Variants in ATP13A3 observed in about 807,000 individuals in gnomAD.
The protein encoded by ATP13A3 is ATPase 13A3.
Under a neutral mutation model 158.1 loss-of-function variants are expected in ATP13A3, and 59 were observed. The ratio of observed to expected loss-of-function variants is 0.37; its 90% CI spans 0.30 to 0.46. The LOEUF (loss-of-function observed/expected upper bound fraction) is 0.46, where lower values mean the gene tolerates loss of function less well. Ranked by LOEUF, ATP13A3 falls within the 20% of genes least tolerant of loss-of-function variation. The probability of loss-of-function intolerance (pLI) is 1.00; values close to 1 mark genes in which losing one functional copy is unlikely to be tolerated. For synonymous variants in ATP13A3, 491 were observed against 504.3 expected (o/e 0.97, Z 0.35); for missense variants, 1,166 against 1,525.2 (o/e 0.76, Z 3.92).
At chr3:194,478,384 GAACT>G (rs960887335) in intron 2 of ATP13A3, among the ~76,000 whole-genome samples, 1 of 151,816 alleles carries the variant, frequency 6.6e-6, no homozygotes, top group Non-Finnish European at 1.5e-5. Context: ...CTTCAAAAAA[GAACT>G]ATCTCTTGAT....
intron 30 of ATP13A3, 107 bp downstream of exon 30, chr3:194,425,235 T>C: frequency 1.9e-6 from 2 of 1,037,906 alleles, no homozygotes; most frequent in Middle Eastern, 2.3e-4. Flanking sequence ...GTTGATTCTA[T>C]CTGTGAAGAT....
At chr3:194,480,729 A>C (rs1440769062) in intron 2 of ATP13A3, among the ~76,000 whole-genome samples, 1 of 152,204 alleles carries the variant, frequency 6.6e-6, no homozygotes, top group Non-Finnish European at 1.5e-5. Context: ...ATATGCACTT[A>C]ATTAAAACCA....
At chr3:194,419,049 G>A (rs1275655416) in intron 31 of ATP13A3, among the ~76,000 whole-genome samples, 2 of 152,132 alleles carry the variant, frequency 1.3e-5, no homozygotes, top group Admixed American at 1.3e-4. Context: ...GCAGCAATAT[G>A]TTCAGTAATT....
intron 31 of ATP13A3, among the ~76,000 whole-genome samples, chr3:194,415,661 C>CTGTTTTTTTTTTTTTTTTT (rs1208643552): frequency 8.8e-5 from 8 of 90,926 alleles, no homozygotes; most frequent in East Asian, 3.2e-4. Flanking sequence ...ATACCACATT[C>CTGTTTTTTTTTTTTTTTTT]TTTTTTTTTT....
At position 194,428,166 on chromosome 3, in the gene ATP13A3, A is replaced by G. The variant is rs542977003; in HGVS notation, c.2947+679T>C. 7.4e-5 allele frequency among the ~76,000 whole-genome samples: 11 copies of G among 149,590 alleles called. No homozygotes were observed. In the East Asian group the frequency reaches 2.2e-3, roughly 29 times the overall value. On this transcript the variant is annotated intron_variant, in intron 28 of 33. Coordinates refer to ENST00000645319, the MANE Select transcript of ATP13A3 (RefSeq NM_001367549.1). ...AACTCGGGAGGCGGAGGTTGCAGTG[A>G]GCTGAGATCGTGCCACTGCACTCCA...
chr3:194,422,036 G>C (rs60317154), intron 30 of ATP13A3, among the ~76,000 whole-genome samples: 1 of 148,974 alleles, frequency 6.7e-6, no homozygotes, highest in African/African-American at 2.5e-5. Flanking sequence ...GTCTCTCCCA[G>C]AGCCACCTCT....
chr3:194,417,387 C>A (rs13071580), intron 31 of ATP13A3, among the ~76,000 whole-genome samples: 15,621 of 112,500 alleles, frequency 0.14, 1,000 homozygotes, highest in Middle Eastern at 0.23. Context: ...GGTACCAGAG[C>A]CAGATTCTGA....
Position 194,454,132 on chromosome 3 carries a change from T to C in ATP13A3, c.765+126A>G, listed in dbSNP as rs1159829816. 9 of 992,484 alleles carry C rather than the reference T, an allele frequency of 9.1e-6. No homozygotes were observed. The Admixed American group carries it at 2.0e-4, about 22-fold the overall frequency. 61.5% of individuals were successfully genotyped at this position (992,484 alleles called of 1,614,324 possible). ...AAAAAGGGAGGGGAGAAGGAGCATA[T>C]ATTCATGCAACTAAAATAATGACTG... On this transcript the variant is annotated intron_variant, in intron 9 of 33. Coordinates refer to ENST00000645319, the MANE Select transcript of ATP13A3 (RefSeq NM_001367549.1).
At chr3:194,485,193 G>A (rs1167955231) in intron 2 of ATP13A3, among the ~76,000 whole-genome samples, 11 of 152,126 alleles carry the variant, frequency 7.2e-5, no homozygotes, top group African/African-American at 2.7e-4. Flanking sequence ...CTAATGGTAG[G>A]ATAATGCAAA....
rs116069617 is a variant in ATP13A3, at chr3:194,440,765, G to A, written c.1710+546C>T. On this transcript the variant is annotated intron_variant, in intron 16 of 33. Transcript: ENST00000645319. Reference sequence around the variant, plus strand: ...AGAAGCCAGAAGGGAACTCTAAAATGAACTGACTTTGTATTTATAAAAGAA... The same window carrying A: ...AGAAGCCAGAAGGGAACTCTAAAATAAACTGACTTTGTATTTATAAAAGAA... Among the ~76,000 whole-genome samples the A allele has an allele frequency of 7.7e-3, 1,173 of 152,256 alleles. 18 individuals carry two copies. The highest frequency in any genetic ancestry group is 0.026 in the African/African-American group (1,073 of 41,550).
At chr3:194,482,307 G>A (rs1233954270) in intron 2 of ATP13A3, among the ~76,000 whole-genome samples, 1 of 152,134 alleles carries the variant, frequency 6.6e-6, no homozygotes, top group African/African-American at 2.4e-5. Context: ...CACTCAGGCT[G>A]GTCTCAAACT....
At chr3:194,444,948 A>C (rs1718298185) in intron 14 of ATP13A3, among the ~76,000 whole-genome samples, 162 bp from the exon 15 acceptor site, 2 of 152,178 alleles carry the variant, frequency 1.3e-5, no homozygotes. Flanking sequence ...GATCCCTGAC[A>C]GAGAATGGCT....
At chr3:194,422,199 C>T (rs1716441368) in intron 30 of ATP13A3, among the ~76,000 whole-genome samples, 1 of 151,904 alleles carries the variant, frequency 6.6e-6, no homozygotes, top group Non-Finnish European at 1.5e-5. Context: ...GGCAGACATA[C>T]AACCATACCA....
intron 2 of ATP13A3, among the ~76,000 whole-genome samples, chr3:194,464,868 C>T (rs780992610): frequency 1.3e-5 from 2 of 152,128 alleles, no homozygotes. Context: ...CCTCCCACCT[C>T]AGCCTCCCAA....
intron 33 of ATP13A3, 125 bp from the exon 34 acceptor site, chr3:194,406,241 G>A (rs1267818492): frequency 6.0e-6 from 6 of 998,476 alleles, no homozygotes; most frequent in African/African-American, 3.3e-5. Context: ...TGAGCACAAC[G>A]AATGGGGGAA....
At position 194,437,582 on chromosome 3, in the gene ATP13A3, G is replaced by A. The variant is rs111231154; in HGVS notation, c.1828-9C>T. The A allele has an allele frequency of 1.3e-5, 21 of 1,598,696 alleles. No individual in the cohort carries two copies. Among genetic ancestry groups the A allele is most frequent in the African/African-American group, 8.1e-5 (6 of 74,078 alleles). ...GGAAGTTCAAACAGCTCCTAAAAAC[G>A]AAACAAAACAAGAAAAAATAGTACA... is the stretch of plus-strand genomic sequence containing the variant. On this transcript the variant is annotated splice_polypyrimidine_tract_variant and intron_variant, in intron 17 of 33. Coordinates refer to ENST00000645319, the MANE Select transcript of ATP13A3 (RefSeq NM_001367549.1).
rs147162535 is a variant in ATP13A3, at chr3:194,457,785, CT to C, written c.480-612del. 7.1e-3 allele frequency among the ~76,000 whole-genome samples: 913 copies of C among 127,886 alleles called. 3 individuals carry two copies. The highest frequency in any genetic ancestry group is 0.024 in the Middle Eastern group (6 of 246). The allele number at this position is 127,886 out of a possible 152,430, so 83.9% of individuals were successfully genotyped here. ...TTTTTCCCAAAATATCTTAATTATG[CT>C]TTTTTTTTTTTTTTTTTTGAGATGG... is the stretch of plus-strand genomic sequence containing the variant. On this transcript the variant is annotated intron_variant, in intron 6 of 33. Coordinates refer to ENST00000645319, the MANE Select transcript of ATP13A3 (RefSeq NM_001367549.1).
Position 194,404,043 on chromosome 3 carries a change from C to A in ATP13A3, c.*1876G>T. On this transcript the variant is annotated 3_prime_UTR_variant, in exon 34 of 34. Coordinates refer to ENST00000645319, the MANE Select transcript of ATP13A3 (RefSeq NM_001367549.1). Reference sequence around the variant, plus strand: ...TCATTATATGCTTCAGTACTTAAACCAAAGAATAAAATGCACAATTGTGGA... The same window carrying A: ...TCATTATATGCTTCAGTACTTAAACAAAAGAATAAAATGCACAATTGTGGA... The A allele has an allele frequency of 2.3e-6, 1 of 434,436 alleles. No homozygotes were observed. The highest frequency in any genetic ancestry group is 4.6e-6 in the Non-Finnish European group (1 of 219,754). 26.9% of individuals were successfully genotyped at this position (434,436 alleles called of 1,614,324 possible).
At chr3:194,468,386 T>TAAAAAAAAAAAAAAAAAAAAAAAAAAAA (rs35011462) in intron 2 of ATP13A3, 1 of 111,878 alleles carries the variant, frequency 8.9e-6, no homozygotes, top group African/African-American at 3.9e-5. Flanking sequence ...TGTGTGAGTT[T>TAAAAAAAAAAAAAAAAAAAAAAAAAAAA]AAAAAAAAAA....
Sources: gnomAD v4.1 joint callset for allele counts (sites outside exome capture counted in the v4.1 genomes callset) on GRCh38, gnomAD v4.1.1 for gene constraint, MANE v1.5 for transcripts, NCBI Gene and HGNC (gene_info 2026-07-23, HGNC 2026-07-21) for gene names.